The following SMYD3 variants were observed in gnomAD, a reference collection of about 807,000 sequenced individuals.
SMYD3 encodes the protein SET and MYND domain containing 3, also known as histone-lysine N-methyltransferase SMYD3.
In SMYD3, 36 loss-of-function variants were observed where a neutral mutation model predicts 57.7. The observed-to-expected ratio is 0.62, with a 90% CI of 0.48 to 0.82. The LOEUF is 0.82. SMYD3 is among the 40% of genes least tolerant of loss of function. The pLI is 0.00. For missense variants in SMYD3, 515 were observed against 538.8 expected, an observed-to-expected ratio of 0.96 and a Z score of 0.44; for synonymous variants, 211 against 195.0, an observed-to-expected ratio of 1.08 and a Z score of -0.68.
intron 5 of SMYD3, among the ~76,000 whole-genome samples, chr1:246,002,253 C>T (rs746060503): frequency 2.8e-4 from 39 of 140,608 alleles, no homozygotes; most frequent in Non-Finnish European, 4.7e-4. Context: ...GGCGCGATCT[C>T]GGCTCACTGC....
intron 5 of SMYD3, among the ~76,000 whole-genome samples, chr1:246,227,941 T>G (rs563679866): frequency 6.7e-6 from 1 of 149,864 alleles, no homozygotes; most frequent in Admixed American, 6.7e-5. Flanking sequence ...ACACCACATT[T>G]CCTTATTTTT....
rs139446414 is a variant in SMYD3, at chr1:245,981,976, G to A, written c.532-52039C>T. Among the ~76,000 whole-genome samples the A allele has an allele frequency of 3.3e-5, 5 of 152,326 alleles. No individual in the cohort carries two copies. The East Asian group carries it at 9.6e-4, about 29-fold the overall frequency. Reference sequence around the variant, plus strand: ...AGCCTGGCTCTGGGTGCAGACCCACGGTCATGGGGACCTTGAGCACGTGGG... The same window carrying A: ...AGCCTGGCTCTGGGTGCAGACCCACAGTCATGGGGACCTTGAGCACGTGGG... On this transcript the variant is annotated intron_variant, in intron 5 of 11. Coordinates refer to ENST00000490107, the MANE Select transcript of SMYD3 (RefSeq NM_001167740.2).
At chr1:245,776,081 T>G (rs2046577797) in intron 10 of SMYD3, among the ~76,000 whole-genome samples, 1 of 152,252 alleles carries the variant, frequency 6.6e-6, no homozygotes. Flanking sequence ...TTAAAGCCTC[T>G]CTACATCCAC....
chr1:246,444,279 C>T (rs753813441), intron 1 of SMYD3, among the ~76,000 whole-genome samples: 2 of 152,110 alleles, frequency 1.3e-5, no homozygotes, highest in South Asian at 2.1e-4. Flanking sequence ...GCATGTGCCA[C>T]CACGCCTGGC....
intron 1 of SMYD3, among the ~76,000 whole-genome samples, chr1:246,500,928 C>T (rs2103077624): frequency 6.6e-6 from 1 of 152,336 alleles, no homozygotes; most frequent in South Asian, 2.1e-4. Flanking sequence ...TTATGACTCC[C>T]ACTTAAAAAG....
At chr1:246,437,643 A>G (rs1342106598) in intron 1 of SMYD3, among the ~76,000 whole-genome samples, 2 of 152,238 alleles carry the variant, frequency 1.3e-5, no homozygotes, top group African/African-American at 4.8e-5. Flanking sequence ...TTTGTTTGCT[A>G]AAAGATAACG....
At chr1:246,124,166 G>A (rs1265714708) in intron 5 of SMYD3, among the ~76,000 whole-genome samples, 2 of 152,146 alleles carry the variant, frequency 1.3e-5, no homozygotes, top group South Asian at 2.1e-4. Flanking sequence ...GTTTTAATAA[G>A]TGATAAACAC....
intron 8 of SMYD3, among the ~76,000 whole-genome samples, chr1:245,891,223 T>A (rs1158752203): frequency 6.6e-6 from 1 of 152,174 alleles, no homozygotes; most frequent in Non-Finnish European, 1.5e-5. Context: ...GAAATATAAT[T>A]GGAATATTTG....
chr1:245,968,475 C>A lies in SMYD3; in HGVS notation c.532-38538G>T, dbSNP rs951403679. ...TAAAACAATAATGGTTAGAACTTTC[C>A]ATTTCAACAAAATGATGCAGAATTC... On this transcript the variant is annotated intron_variant, in intron 5 of 11. Coordinates refer to ENST00000490107, the MANE Select transcript of SMYD3 (RefSeq NM_001167740.2). Among the ~76,000 whole-genome samples, 7 of 152,260 alleles carry A rather than the reference C, an allele frequency of 4.6e-5. No individual in the cohort carries two copies. The South Asian group carries it at 1.2e-3, about 27-fold the overall frequency.
rs1558495466 is a variant in SMYD3, at chr1:246,504,757, T to C, written c.164+2297A>G. 4.6e-5 allele frequency among the ~76,000 whole-genome samples: 7 copies of C among 152,232 alleles called. No homozygotes were observed. In the South Asian group the frequency reaches 1.2e-3, roughly 27 times the overall value. ...TCATACTAAAACTAAGGGCTTACTA[T>C]GTGTTAGACACTGGGGCTACAAAAA... On this transcript the variant is annotated intron_variant, in intron 1 of 11. Coordinates refer to ENST00000490107, the MANE Select transcript of SMYD3 (RefSeq NM_001167740.2).
chr1:245,968,125 T>G (rs759234172), intron 5 of SMYD3, among the ~76,000 whole-genome samples: 62 of 151,742 alleles, frequency 4.1e-4, no homozygotes, highest in Admixed American at 6.6e-4. Context: ...TACTTCCCCC[T>G]CAATTTATCT....
At chr1:245,903,475 A>G (rs1212884010) in intron 8 of SMYD3, among the ~76,000 whole-genome samples, 1 of 152,194 alleles carries the variant, frequency 6.6e-6, no homozygotes, top group Non-Finnish European at 1.5e-5. Flanking sequence ...AAGGACACCA[A>G]GTTAACAACT....
intron 1 of SMYD3, among the ~76,000 whole-genome samples, chr1:246,358,253 A>T (rs1055922833): frequency 1.3e-5 from 2 of 152,248 alleles, no homozygotes; most frequent in African/African-American, 4.8e-5. Flanking sequence ...CTAGTCCAAC[A>T]GTAAAATATC....
rs1011136986 is a variant in SMYD3, at chr1:246,359,144, C to T, written c.165-4050G>A. ...ATGAAATGGGAAATATTACTGATAC[C>T]ACAGAAATACAAAAGTTTATTCAAG... On this transcript the variant is annotated intron_variant, in intron 1 of 11. Transcript: ENST00000490107. Among the ~76,000 whole-genome samples the T allele has an allele frequency of 2.6e-5, 4 of 152,094 alleles. No individual in the cohort carries two copies. In the East Asian group the frequency reaches 7.7e-4, roughly 29 times the overall value.
chr1:246,074,052 T>G (rs1159404175), intron 5 of SMYD3, among the ~76,000 whole-genome samples: 1 of 152,150 alleles, frequency 6.6e-6, no homozygotes, highest in Non-Finnish European at 1.5e-5. Flanking sequence ...AAAACATAAG[T>G]TTTTTTGTGT....
chr1:246,432,770 A>G (rs1276237929), intron 1 of SMYD3, among the ~76,000 whole-genome samples: 1 of 152,240 alleles, frequency 6.6e-6, no homozygotes, highest in African/African-American at 2.4e-5. Context: ...AGTCACACTC[A>G]TCATTACAAA....
At chr1:245,816,979 C>T (rs1027007718) in intron 10 of SMYD3, among the ~76,000 whole-genome samples, 7 of 151,396 alleles carry the variant, frequency 4.6e-5, no homozygotes, top group South Asian at 2.1e-4. Context: ...GAGGGGCGCC[C>T]GCCATTGCCC....
chr1:246,327,590 A>G (rs1473069709), intron 4 of SMYD3, among the ~76,000 whole-genome samples: 1 of 152,234 alleles, frequency 6.6e-6, no homozygotes, highest in East Asian at 1.9e-4. Context: ...TATATGAAAA[A>G]GCATTAAAAC....
intron 5 of SMYD3, among the ~76,000 whole-genome samples, chr1:246,218,349 C>T (rs1057350635): frequency 1.3e-5 from 2 of 151,992 alleles, no homozygotes; most frequent in African/African-American, 2.4e-5. Context: ...ACAGGCCGGG[C>T]GCGGTGGCTC....
Sources: gnomAD v4.1 joint callset for allele counts (sites outside exome capture counted in the v4.1 genomes callset) on GRCh38, gnomAD v4.1.1 for gene constraint, MANE v1.5 for transcripts, NCBI Gene and HGNC (gene_info 2026-07-23, HGNC 2026-07-21) for gene names.